The following SDK1 variants were observed in gnomAD, a reference collection of about 807,000 sequenced individuals.
SDK1 encodes the protein sidekick cell adhesion molecule 1.
A neutral mutation model predicts 245.5 loss-of-function variants in SDK1; 157 were observed. That is an observed-to-expected ratio of 0.64 (90% CI 0.56 to 0.73). The LOEUF is 0.73. SDK1 is among the 30% of genes least tolerant of loss of function. The pLI is 0.00. For missense variants in SDK1, 3,583 were observed against 3,002.3 expected (o/e 1.19, Z -4.52); for synonymous variants, 1,647 against 1,278.5 (o/e 1.29, Z -6.15).
At chr7:3,581,448 T>C (rs1486026233) in intron 1 of SDK1, among the ~76,000 whole-genome samples, 2 of 152,204 alleles carry the variant, frequency 1.3e-5, no homozygotes, top group African/African-American at 4.8e-5. Flanking sequence ...TACAATGAGA[T>C]GCCATCTCAC....
In SDK1 at chr7:3,729,807, C is replaced by T. The variant is rs563334647; in HGVS notation, c.713+87702C>T. 2.8e-4 allele frequency among the ~76,000 whole-genome samples: 43 copies of T among 151,814 alleles called. 1 individual carries two copies. Among genetic ancestry groups the T allele is most frequent in the Admixed American group, 7.9e-4 (12 of 15,206 alleles). ...AATTTTTAGTCTTATAATTTTTGAG[C>T]TCTTATTATTTAAGAACCGAGAAAA... On this transcript the variant is annotated intron_variant, in intron 4 of 44. Coordinates refer to ENST00000404826, the MANE Select transcript of SDK1 (RefSeq NM_152744.4).
chr7:3,787,211 G>A (rs1323527003), intron 4 of SDK1, among the ~76,000 whole-genome samples: 1 of 150,688 alleles, frequency 6.6e-6, no homozygotes, highest in Non-Finnish European at 1.5e-5. Context: ...ACTTTTCTCA[G>A]TGGACTATTG....
At chr7:4,066,586 C>T (rs1399414330) in intron 19 of SDK1, among the ~76,000 whole-genome samples, 1 of 152,196 alleles carries the variant, frequency 6.6e-6, no homozygotes, top group African/African-American at 2.4e-5. Context: ...GAGAACATCA[C>T]CATCAGGACA....
intron 2 of SDK1, among the ~76,000 whole-genome samples, chr7:3,620,690 G>A (rs1451406935): frequency 6.6e-6 from 1 of 152,106 alleles, no homozygotes; most frequent in Non-Finnish European, 1.5e-5. Flanking sequence ...AGGCCTGGCT[G>A]CCTGGTCTGC....
chr7:3,373,084 AGT>A (rs995552650), intron 1 of SDK1, among the ~76,000 whole-genome samples: 3 of 152,210 alleles, frequency 2.0e-5, no homozygotes, highest in African/African-American at 7.2e-5. Flanking sequence ...ATACGGATGT[AGT>A]GTGTTTTACA....
At chr7:3,782,636 C>A (rs1780780193) in intron 4 of SDK1, among the ~76,000 whole-genome samples, 1 of 152,148 alleles carries the variant, frequency 6.6e-6, no homozygotes. Context: ...AGAAGCCATG[C>A]AGACACTGAA....
intron 4 of SDK1, among the ~76,000 whole-genome samples, chr7:3,651,892 G>T (rs1327277316): frequency 6.6e-6 from 1 of 152,178 alleles, no homozygotes; most frequent in East Asian, 1.9e-4. Flanking sequence ...CTGCCATGGA[G>T]TTCCGTGTCA....
chr7:4,115,894 G>A (rs778994379), intron 25 of SDK1, among the ~76,000 whole-genome samples: 3 of 152,210 alleles, frequency 2.0e-5, no homozygotes, highest in African/African-American at 2.4e-5. Context: ...ATGGGAAATG[G>A]ACAGAAAGAT....
rs1024436048 is a variant in SDK1 at position 4,209,723 on chromosome 7, C to T, written c.5402-302C>T. 1.9e-4 allele frequency among the ~76,000 whole-genome samples: 29 copies of T among 152,096 alleles called. 1 individual carries two copies. The highest frequency in any genetic ancestry group is 5.9e-5 in the Non-Finnish European group (4 of 68,012). ...AGTTGCTAGAAAATGGAGCTCCCTG[C>T]GTTTCATTTTCTATTTCCATCTATT... On this transcript the variant is annotated intron_variant, in intron 37 of 44. Coordinates refer to ENST00000404826, the MANE Select transcript of SDK1 (RefSeq NM_152744.4).
chr7:3,537,541 G>A (rs1223651721), intron 1 of SDK1, among the ~76,000 whole-genome samples: 1 of 152,160 alleles, frequency 6.6e-6, no homozygotes, highest in Non-Finnish European at 1.5e-5. Flanking sequence ...CTCCATTGTG[G>A]CACCATGACT....
chr7:3,882,283 C>T (rs962367438), intron 5 of SDK1, among the ~76,000 whole-genome samples: 1 of 152,096 alleles, frequency 6.6e-6, no homozygotes, highest in African/African-American at 2.4e-5. Context: ...AACCATATCA[C>T]CAGGTGGGGG....
Position 4,265,318 on chromosome 7 carries a change from C to T in SDK1, c.6576C>T (p.Gly2192=), listed in dbSNP as rs1788396894. 6.5e-7 allele frequency: 1 copy of T among 1,543,774 alleles called. No individual in the cohort carries two copies. Among genetic ancestry groups the T allele is most frequent in the South Asian group, 1.2e-5 (1 of 83,476 alleles). Residue 2192 remains glycine, a synonymous_variant, in exon 45 of 45, where the codon GGC becomes GGT. Transcript: ENST00000404826. ...LHPVITTQSA[G]GVYTPAGPGA... is the part of the protein sequence containing the mutation. ...CGGTCATCACCACGCAGAGCGCGGG[C>T]GGCGTCTACACCCCCGCTGGCCCCG...
chr7:4,045,385 GGT>G (rs1367871625), intron 17 of SDK1, among the ~76,000 whole-genome samples: 4 of 152,060 alleles, frequency 2.6e-5, no homozygotes, highest in Admixed American at 6.6e-5. Context: ...TGGGACTATA[GGT>G]GTGTGCCATC....
At chr7:3,885,296 C>T (rs987113887) in intron 5 of SDK1, among the ~76,000 whole-genome samples, 9 of 152,262 alleles carry the variant, frequency 5.9e-5, no homozygotes, top group African/African-American at 7.2e-5. Flanking sequence ...AACTGACTGA[C>T]GCCCGGTGGC....
In SDK1 at chr7:3,595,049, C is replaced by T. The variant is rs139490316; in HGVS notation, c.299-24031C>T. ...GGTGATTGGAAAGATGGAAAATACC[C>T]TTGTTGCCACCACAGTGAGTTCCAA... On this transcript the variant is annotated intron_variant, in intron 1 of 44. Coordinates refer to ENST00000404826, the MANE Select transcript of SDK1 (RefSeq NM_152744.4). Among the ~76,000 whole-genome samples, 665 of 152,236 alleles carry T rather than the reference C, an allele frequency of 4.4e-3. 9 individuals carry two copies. Among genetic ancestry groups the T allele is most frequent in the African/African-American group, 0.015 (629 of 41,540 alleles).
intron 1 of SDK1, among the ~76,000 whole-genome samples, chr7:3,356,451 G>T (rs902774477): frequency 6.6e-6 from 1 of 152,098 alleles, no homozygotes; most frequent in African/African-American, 2.4e-5. Context: ...CCAAGTCTCT[G>T]TGTTATAATT....
At chr7:3,414,554 C>G (rs907885619) in intron 1 of SDK1, among the ~76,000 whole-genome samples, 1 of 152,118 alleles carries the variant, frequency 6.6e-6, no homozygotes, top group African/African-American at 2.4e-5. Flanking sequence ...ATTTATGGAA[C>G]TGTGAAAGTA....
chr7:3,448,662 T>C (rs377606937), intron 1 of SDK1, among the ~76,000 whole-genome samples: 18 of 152,314 alleles, frequency 1.2e-4, no homozygotes, highest in Admixed American at 4.6e-4. Flanking sequence ...AAGCTTTGCA[T>C]TTTTGTAGAT....
chr7:3,422,618 C>A (rs1341857421), intron 1 of SDK1, among the ~76,000 whole-genome samples: 1 of 152,108 alleles, frequency 6.6e-6, no homozygotes, highest in Non-Finnish European at 1.5e-5. Context: ...CATAGCAAGA[C>A]CCCATCACAC....
Sources: gnomAD v4.1 joint callset for allele counts (sites outside exome capture counted in the v4.1 genomes callset) on GRCh38, gnomAD v4.1.1 for gene constraint, MANE v1.5 for transcripts, NCBI Gene and HGNC (gene_info 2026-07-23, HGNC 2026-07-21) for gene names.